LHX5: variants seen among roughly 807,000 people sequenced by gnomAD.
LHX5 encodes LIM homeobox 5.
In LHX5, 5 loss-of-function variants were observed where a neutral mutation model predicts 30.6. The ratio of observed to expected loss-of-function variants is 0.16; its 90% CI spans 0.09 to 0.34. The LOEUF (loss-of-function observed/expected upper bound fraction) is 0.34. LHX5 is among the 10% of genes least tolerant of loss of function. The pLI is 1.00. For missense variants in LHX5, 458 were observed against 570.6 expected (o/e 0.80, Z 2.01); for synonymous variants, 266 against 252.6 (o/e 1.05, Z -0.50).
chr12:113,471,500 G>GC lies in LHX5; in HGVS notation c.-3dup, dbSNP rs1019414826. 6.3e-7 allele frequency: 1 copy of GC among 1,586,710 alleles called. No homozygotes were observed. The highest frequency in any genetic ancestry group is 8.6e-7 in the Non-Finnish European group (1 of 1,166,670). ...GCAACCGGCGCAGTGCACCATCATAGCCCCGCGCCCCGGCGGCTTCGGCCG... is the reference window on the plus strand; with the variant it reads ...GCAACCGGCGCAGTGCACCATCATAGCCCCCGCGCCCCGGCGGCTTCGGCCG... On this transcript the variant is annotated 5_prime_UTR_variant, in exon 1 of 5. Transcript: ENST00000261731.
chr12:113,468,322 G>A lies in LHX5; in HGVS notation c.480C>T (p.Thr160=), dbSNP rs1260237816. 2.5e-6 allele frequency: 4 copies of A among 1,614,176 alleles called. No homozygotes were observed. Among genetic ancestry groups the A allele is most frequent in the Non-Finnish European group, 3.4e-6 (4 of 1,179,982 alleles). ...QDDPKETDNS[T]SSDKETANNE... ...TGTTGGCCGTCTCCTTGTCCGACGA[G>A]GTCGAGTTGTCCGTCTCTTTGGGGT... Residue 160 remains threonine, a synonymous_variant, in exon 3 of 5, where the codon ACC becomes ACT. Coordinates refer to ENST00000261731, the MANE Select transcript of LHX5 (RefSeq NM_022363.3).
At position 113,463,052 on chromosome 12, in the gene LHX5, A is replaced by C; in HGVS notation, c.*138T>G. 2.8e-6 allele frequency: 2 copies of C among 720,474 alleles called. No individual in the cohort carries two copies. The highest frequency in any genetic ancestry group is 4.2e-6 in the Non-Finnish European group (2 of 477,240). The allele number at this position is 720,474 out of a possible 1,614,324, so 44.6% of individuals were successfully genotyped here. ...GGCGCCCAGCCGAGGAGCAGCTGCC[A>C]GTTGAGTGCGGACCCGAGAGAGAAC... On this transcript the variant is annotated 3_prime_UTR_variant, in exon 5 of 5. Transcript: ENST00000261731. This position sits in a 1 kb window ranked among gnomAD's most constrained non-coding sequence, Gnocchi z 6.7.
At chr12:113,470,027 G>A (rs936238585) in intron 1 of LHX5, among the ~76,000 whole-genome samples, 23 of 152,326 alleles carry the variant, frequency 1.5e-4, no homozygotes, top group African/African-American at 5.3e-4. Context: ...CTAAACCTCT[G>A]GCCTGGCAGG....
chr12:113,463,220 G>A lies in LHX5; in HGVS notation c.1179C>T (p.Asn393=). 1 of 1,524,732 alleles carries A rather than the reference G, an allele frequency of 6.6e-7. No homozygotes were observed. Among genetic ancestry groups the A allele is most frequent in the East Asian group, 2.6e-5 (1 of 38,660 alleles). The allele number at this position is 1,524,732 out of a possible 1,614,324, so 94.5% of individuals were successfully genotyped here. The change falls in exon 5 of 5, where the codon AAC becomes AAT. Residue 393 remains asparagine, a synonymous_variant. Transcript: ENST00000261731. The surrounding 1 kb of genome is among the most constrained non-coding windows in gnomAD (Gnocchi z 6.7). ...ACACGGCGGCTTCGTTGAGCTCGGG[G>A]TTGGGATGCGACAGGGGTCCGCTGT... ...SGYSGPLSHP[N]PELNEAAVW
chr12:113,468,832 G>A (rs887670752), intron 2 of LHX5, among the ~76,000 whole-genome samples: 2 of 152,222 alleles, frequency 1.3e-5, no homozygotes, highest in Non-Finnish European at 1.5e-5. Flanking sequence ...TGACACATAA[G>A]GGGGAATTGT....
At chr12:113,468,075 C>T in intron 3 of LHX5, 52 bp downstream of exon 3, 2 of 1,462,568 alleles carry the variant, frequency 1.4e-6, no homozygotes, top group Non-Finnish European at 1.8e-6. Flanking sequence ...CTCCGAGGCT[C>T]CCGGCTCCCA....
In LHX5 at chr12:113,463,022, C is replaced by T. The variant is rs1338931877; in HGVS notation, c.*168G>A. 6.6e-6 allele frequency: 4 copies of T among 606,692 alleles called. No individual in the cohort carries two copies. The East Asian group carries it at 1.4e-4, about 21-fold the overall frequency. The allele number at this position is 606,692 out of a possible 1,614,324, so 37.6% of individuals were successfully genotyped here. A position where few individuals can be genotyped will look rare whatever the true frequency, so the allele number is the denominator to read the frequency against. ...CGGGGTGGAGATGGGGGTCGGCCCC[C>T]CCTCGGCGCCCAGCCGAGGAGCAGC... On this transcript the variant is annotated 3_prime_UTR_variant, in exon 5 of 5. Coordinates refer to ENST00000261731, the MANE Select transcript of LHX5 (RefSeq NM_022363.3). This position sits in a 1 kb window ranked among gnomAD's most constrained non-coding sequence, Gnocchi z 6.7.
Position 113,464,080 on chromosome 12 carries a change from C to G in LHX5, c.842-523G>C, listed in dbSNP as rs1168331548. Among the ~76,000 whole-genome samples the G allele has an allele frequency of 1.3e-5, 2 of 152,066 alleles. No homozygotes were observed. The highest frequency in any genetic ancestry group is 4.8e-5 in the African/African-American group (2 of 41,390). ...AGTCCGCGGCTGAGACCCGAAAGCC[C>G]GAGACATCGGAGGGTCGCGGAGGAG... On this transcript the variant is annotated intron_variant, in intron 4 of 4. Coordinates refer to ENST00000261731, the MANE Select transcript of LHX5 (RefSeq NM_022363.3). This position sits in a 1 kb window ranked among gnomAD's most constrained non-coding sequence, Gnocchi z 6.2.
chr12:113,467,325 T>G lies in LHX5; in HGVS notation c.772A>C (p.Met258Leu), dbSNP rs1002750147. 1.9e-5 allele frequency: 30 copies of G among 1,578,184 alleles called. No individual in the cohort carries two copies. The highest frequency in any genetic ancestry group is 2.6e-5 in the Non-Finnish European group (30 of 1,158,706). ...TCCAAGCGGCCGCCCAGCGGACGCA[T>G]GCGCCGCGGACTCCGGAAGAAGGCG... is the stretch of plus-strand genomic sequence containing the variant. ...RHAFFRSPRR[M>L]RPLGGRLDES... is the part of the protein sequence containing the mutation. The change falls in exon 4 of 5, where the codon ATG becomes CTG. Residue 258 changes from methionine (M) to leucine (L), a missense_variant. Transcript: ENST00000261731. This position sits in a 1 kb window ranked among gnomAD's most constrained non-coding sequence, Gnocchi z 6.3.
At chr12:113,468,614 GCGCT>G (rs1958228870) in intron 2 of LHX5, among the ~76,000 whole-genome samples, 1 of 152,204 alleles carries the variant, frequency 6.6e-6, no homozygotes, top group South Asian at 2.1e-4. Context: ...CTTTGGAGGG[GCGCT>G]CTTAAGCCCT....
chr12:113,467,574 G>A lies in LHX5; in HGVS notation c.676-153C>T, dbSNP rs1000993996. On this transcript the variant is annotated intron_variant, in intron 3 of 4. Coordinates refer to ENST00000261731, the MANE Select transcript of LHX5 (RefSeq NM_022363.3). This position sits in a 1 kb window ranked among gnomAD's most constrained non-coding sequence, Gnocchi z 6.3. ...GGGGCCGGGCCGGATTAGGCCGGGA[G>A]GGGTGGAGAGAGGCTTCGGCGAACC... is the stretch of plus-strand genomic sequence containing the variant. Among the ~76,000 whole-genome samples, 1 of 152,260 alleles carries A rather than the reference G, an allele frequency of 6.6e-6. No homozygotes were observed. The highest frequency in any genetic ancestry group is 1.5e-5 in the Non-Finnish European group (1 of 68,052).
rs879369921 is a variant in LHX5 at position 113,467,448 on chromosome 12, C to T, written c.676-27G>A. 2 of 1,482,802 alleles carry T rather than the reference C, an allele frequency of 1.3e-6. No homozygotes were observed. Among genetic ancestry groups the T allele is most frequent in the African/African-American group, 1.4e-5 (1 of 70,856 alleles). 91.9% of individuals were successfully genotyped at this position (1,482,802 alleles called of 1,614,324 possible). ...TGGGACAGAGGAGGGGGCTGTGAAC[C>T]CAGGATCAGGAGTGTCCTCTCCCCC... is the stretch of plus-strand genomic sequence containing the variant. On this transcript the variant is annotated intron_variant, in intron 3 of 4. Coordinates refer to ENST00000261731, the MANE Select transcript of LHX5 (RefSeq NM_022363.3). The surrounding 1 kb of genome is among the most constrained non-coding windows in gnomAD (Gnocchi z 6.3).
intron 1 of LHX5, among the ~76,000 whole-genome samples, chr12:113,469,754 C>T (rs1319875): frequency 0.72 from 109,031 of 152,206 alleles, 39,567 homozygotes; most frequent in African/African-American, 0.83. Context: ...CTTGGTGGCT[C>T]TGCCTCCTGG....
rs530075825 is a variant in LHX5 at position 113,471,310 on chromosome 12, C to T, written c.173+16G>A. On this transcript the variant is annotated intron_variant, in intron 1 of 4. Coordinates refer to ENST00000261731, the MANE Select transcript of LHX5 (RefSeq NM_022363.3). ...CAGGGTGGGCGCGCAGGCAGCAGAG[C>T]GGCGCGGCCTCTTACCTGAAAAAGT... The T allele has an allele frequency of 1.4e-5, 23 of 1,611,850 alleles. No homozygotes were observed. Among genetic ancestry groups the T allele is most frequent in the Admixed American group, 3.3e-5 (2 of 59,924 alleles).
rs1263900894 is a variant in LHX5 at position 113,466,604 on chromosome 12, A to T, written c.841+652T>A. ...GAGGGTGGACTACAGTCCTGCCCAG[A>T]GCAACTGCCGGCATTTGGGCTAACA... On this transcript the variant is annotated intron_variant, in intron 4 of 4. Coordinates refer to ENST00000261731, the MANE Select transcript of LHX5 (RefSeq NM_022363.3). The surrounding 1 kb of genome is among the most constrained non-coding windows in gnomAD (Gnocchi z 6.5). 6.6e-6 allele frequency among the ~76,000 whole-genome samples: 1 copy of T among 152,160 alleles called. No individual in the cohort carries two copies. The highest frequency in any genetic ancestry group is 2.4e-5 in the African/African-American group (1 of 41,428).
rs1030989782 is a variant in LHX5 at position 113,471,825 on chromosome 12, C to T, written c.-327G>A. ...CGGCTTTCCCCGGTGGCGGAGGCGC[C>T]GGCACTTTCCCCCACTTTCAAGCGG... is the stretch of plus-strand genomic sequence containing the variant. On this transcript the variant is annotated 5_prime_UTR_variant, in exon 1 of 5. Coordinates refer to ENST00000261731, the MANE Select transcript of LHX5 (RefSeq NM_022363.3). 9 of 336,030 alleles carry T rather than the reference C, an allele frequency of 2.7e-5. No homozygotes were observed. Among genetic ancestry groups the T allele is most frequent in the Non-Finnish European group, 4.3e-5 (8 of 185,896 alleles). 20.8% of individuals were successfully genotyped at this position (336,030 alleles called of 1,614,324 possible). A position where few individuals can be genotyped will look rare whatever the true frequency, so the allele number is the denominator to read the frequency against.
chr12:113,471,691 G>A lies in LHX5; in HGVS notation c.-193C>T. 1.8e-6 allele frequency: 1 copy of A among 556,154 alleles called. No homozygotes were observed. The highest frequency in any genetic ancestry group is 3.1e-6 in the Non-Finnish European group (1 of 325,930). 34.5% of individuals were successfully genotyped at this position (556,154 alleles called of 1,614,324 possible). On this transcript the variant is annotated 5_prime_UTR_variant, in exon 1 of 5. Coordinates refer to ENST00000261731, the MANE Select transcript of LHX5 (RefSeq NM_022363.3). ...GCGCTGGGCTGCCCGGAGTGGGGTGGTGGGGGGCGGGTGGCGTTCACAACC... is the reference window on the plus strand; with the variant it reads ...GCGCTGGGCTGCCCGGAGTGGGGTGATGGGGGGCGGGTGGCGTTCACAACC...
At chr12:113,469,675 G>T (rs973895939) in intron 1 of LHX5, among the ~76,000 whole-genome samples, 1 of 152,232 alleles carries the variant, frequency 6.6e-6, no homozygotes, top group African/African-American at 2.4e-5. Flanking sequence ...TGCCAGGCCT[G>T]CCTGGGCTGC....
chr12:113,469,402 C>A, intron 1 of LHX5, 57 bp from the exon 2 acceptor site: 3 of 1,510,118 alleles, frequency 2.0e-6, no homozygotes, highest in South Asian at 1.2e-5. Context: ...CCCTCCCCAG[C>A]CCCTGACCTC....
Sources: allele counts gnomAD v4.1 joint callset (sites outside exome capture counted in the v4.1 genomes callset), GRCh38; gene constraint gnomAD v4.1.1; non-coding constraint Gnocchi (gnomAD v3.1); transcripts MANE v1.5; gene names NCBI Gene and HGNC (gene_info 2026-07-23, HGNC 2026-07-21).